ARHGEF17: variants seen among roughly 807,000 people sequenced by gnomAD.
The protein encoded by ARHGEF17 is Rho guanine nucleotide exchange factor 17.
Under a neutral mutation model 174.0 loss-of-function variants are expected in ARHGEF17, and 80 were observed. That is an observed-to-expected ratio of 0.46 (90% CI 0.38 to 0.55). The LOEUF (loss-of-function observed/expected upper bound fraction) is 0.55. ARHGEF17 is among the 20% of genes least tolerant of loss of function. ARHGEF17 has a pLI of 0.00. For synonymous variants in ARHGEF17, 1,311 were observed against 1,189.1 expected (o/e 1.10, Z -2.11); for missense variants, 2,886 against 2,839.7 (o/e 1.02, Z -0.37).
chr11:73,350,087 C>A lies in ARHGEF17; in HGVS notation c.3271-2743C>A, dbSNP rs1426830428. Among the ~76,000 whole-genome samples the A allele has an allele frequency of 3.3e-5, 5 of 152,106 alleles. No individual in the cohort carries two copies. The East Asian group carries it at 9.6e-4, about 29-fold the overall frequency. ...CCTTGAGTGCAGTTAATTAGAGACA[C>A]ATGTTTATAATTTAGCATACTGCCT... On this transcript the variant is annotated intron_variant, in intron 2 of 20. Coordinates refer to ENST00000263674, the MANE Select transcript of ARHGEF17 (RefSeq NM_014786.4).
chr11:73,339,624 A>G (rs1289025371), intron 1 of ARHGEF17, among the ~76,000 whole-genome samples: 1 of 152,156 alleles, frequency 6.6e-6, no homozygotes. Context: ...AGAGGCAGGT[A>G]GTCAGGGTAT....
At position 73,364,543 on chromosome 11, in the gene ARHGEF17, G is replaced by A; in HGVS notation, c.5493G>A (p.Leu1831=). The change falls in exon 18 of 21, where the codon CTG becomes CTA. Residue 1831 remains leucine, a synonymous_variant. Coordinates refer to ENST00000263674, the MANE Select transcript of ARHGEF17 (RefSeq NM_014786.4). ...ITKMVSVGGR[L]WCGCQNRVLV... is the part of the protein sequence containing the mutation. Reference sequence around the variant, plus strand: ...AGATGGTATCTGTGGGTGGGCGGCTGTGGTGTGGCTGCCAGAACCGAGTCC... The same window carrying A: ...AGATGGTATCTGTGGGTGGGCGGCTATGGTGTGGCTGCCAGAACCGAGTCC... 1 of 1,613,882 alleles carries A rather than the reference G, an allele frequency of 6.2e-7. No individual in the cohort carries two copies. Among genetic ancestry groups the A allele is most frequent in the South Asian group, 1.1e-5 (1 of 91,082 alleles).
chr11:73,352,715 G>A, intron 2 of ARHGEF17, 115 bp from the exon 3 acceptor site: 1 of 1,125,664 alleles, frequency 8.9e-7, no homozygotes, highest in Non-Finnish European at 1.3e-6. Flanking sequence ...GTGGAAGGCA[G>A]GGCGCTGAGC....
chr11:73,356,614 G>A, intron 6 of ARHGEF17, 95 bp from the exon 7 acceptor site: 1 of 1,518,598 alleles, frequency 6.6e-7, no homozygotes, highest in Non-Finnish European at 9.0e-7. Flanking sequence ...CATTGGCCTA[G>A]CCCATGGAGT....
Position 73,355,661 on chromosome 11 carries a change from T to C in ARHGEF17, c.3570+12T>C, listed in dbSNP as rs1812569274. On this transcript the variant is annotated intron_variant, in intron 4 of 20. Transcript: ENST00000263674. ...TCAAGTTCCTAGAGGTACTGTGGGC[T>C]AGGGCAGGGGGATGGAGGTGACCCT... is the stretch of plus-strand genomic sequence containing the variant. The C allele has an allele frequency of 1.2e-6, 2 of 1,610,470 alleles. No individual in the cohort carries two copies. The highest frequency in any genetic ancestry group is 4.5e-5 in the East Asian group (2 of 44,868).
rs1161566822 is a variant in ARHGEF17, at chr11:73,363,425, G to A, written c.5216G>A (p.Ser1739Asn). Residue 1739 changes from serine (S) to asparagine (N), a missense_variant, in exon 15 of 21, where the codon AGC (serine) becomes AAC (asparagine). By Grantham distance (46) the Ser-to-Asn change is conservative (BLOSUM62 1). Coordinates refer to ENST00000263674, the MANE Select transcript of ARHGEF17 (RefSeq NM_014786.4). ...LLSVDPEAYQ[S>N]SVWLGTEDGC... ...AGTGTCGACCCTGAGGCCTACCAGAGCTCCGTGTGGCTGGGCACTGAGGAT... is the reference window on the plus strand; with the variant it reads ...AGTGTCGACCCTGAGGCCTACCAGAACTCCGTGTGGCTGGGCACTGAGGAT... The A allele has an allele frequency of 6.2e-7, 1 of 1,613,314 alleles. No homozygotes were observed.
At chr11:73,339,182 G>A (rs1396453543) in intron 1 of ARHGEF17, among the ~76,000 whole-genome samples, 1 of 152,180 alleles carries the variant, frequency 6.6e-6, no homozygotes, top group Non-Finnish European at 1.5e-5. Context: ...CTGTCTTCCT[G>A]TGTAGACTGT....
At position 73,362,579 on chromosome 11, in the gene ARHGEF17, G is replaced by C; in HGVS notation, c.4841G>C (p.Gly1614Ala). The change falls in exon 14 of 21, where the codon GGC becomes GCC. Residue 1614 changes from glycine (G) to alanine (A), a missense_variant. Gly to Ala is a moderately conservative substitution (Grantham distance 60). Coordinates refer to ENST00000263674, the MANE Select transcript of ARHGEF17 (RefSeq NM_014786.4). The part of the protein sequence containing the change: ...PQPCLHISIA[G>A]SGLEMTPGLG... Reference sequence around the variant, plus strand: ...CCCTGCCTTCACATCTCCATTGCAGGCTCGGGCTTGGAGATGACGCCGGGC... The same window carrying C: ...CCCTGCCTTCACATCTCCATTGCAGCCTCGGGCTTGGAGATGACGCCGGGC... The C allele has an allele frequency of 6.2e-7, 1 of 1,610,116 alleles. No homozygotes were observed. The highest frequency in any genetic ancestry group is 1.3e-5 in the African/African-American group (1 of 75,060).
At position 73,309,367 on chromosome 11, in the gene ARHGEF17, C is replaced by A; in HGVS notation, c.729C>A (p.Ser243Arg). Reference sequence around the variant, plus strand: ...CCATCGCCGCCTCCTATCCTGTCAGCCGCAGTCGTGCTGCCAGCTCCAGCG... The same window carrying A: ...CCATCGCCGCCTCCTATCCTGTCAGACGCAGTCGTGCTGCCAGCTCCAGCG... The part of the protein sequence containing the change: ...SSSIAASYPV[S>R]RSRAASSSEE... The change falls in exon 1 of 21, where the codon AGC (serine) becomes AGA (arginine). Residue 243 changes from serine to arginine, a missense_variant. Around this residue, in one of 4 missense-constraint regions of ARHGEF17, gnomAD observed 1,728 missense variants for 1,461.2 expected, o/e 1.18. Coordinates refer to ENST00000263674, the MANE Select transcript of ARHGEF17 (RefSeq NM_014786.4). 1 of 1,597,164 alleles carries A rather than the reference C, an allele frequency of 6.3e-7. No individual in the cohort carries two copies. Among genetic ancestry groups the A allele is most frequent in the Non-Finnish European group, 8.5e-7 (1 of 1,172,188 alleles).
In ARHGEF17 at chr11:73,310,791, G is replaced by A. The variant is rs756305140; in HGVS notation, c.2153G>A (p.Gly718Asp). 7 of 1,612,326 alleles carry A rather than the reference G, an allele frequency of 4.3e-6. No homozygotes were observed. Among genetic ancestry groups the A allele is most frequent in the Non-Finnish European group, 4.2e-6 (5 of 1,179,624 alleles). Residue 718 changes from glycine (G) to aspartate (D), a missense_variant, in exon 1 of 21, where the codon GGT becomes GAT. Gly to Asp is a moderately conservative substitution (Grantham distance 94). Transcript: ENST00000263674. ...RRRKVPPSGS[G>D]GSELSNGEAG... ...CGCAAAGTCCCACCTTCAGGTTCTG[G>A]TGGGAGCGAATTGAGCAATGGGGAG...
chr11:73,330,648 G>A (rs1381998507), intron 1 of ARHGEF17, among the ~76,000 whole-genome samples: 1 of 152,204 alleles, frequency 6.6e-6, no homozygotes, highest in African/African-American at 2.4e-5. Context: ...CTGGAAGGTG[G>A]CATAACATTC....
At chr11:73,313,187 T>C (rs1864870310) in intron 1 of ARHGEF17, among the ~76,000 whole-genome samples, 1 of 152,156 alleles carries the variant, frequency 6.6e-6, no homozygotes, top group Non-Finnish European at 1.5e-5. Flanking sequence ...CTCTGGGGTT[T>C]CTCATGGAGG....
At chr11:73,349,558 G>T (rs1282060460) in intron 2 of ARHGEF17, among the ~76,000 whole-genome samples, 1 of 152,176 alleles carries the variant, frequency 6.6e-6, no homozygotes, top group Non-Finnish European at 1.5e-5. Context: ...AGAGGTTGCA[G>T]CGAGCCGAGA....
Position 73,356,742 on chromosome 11 carries a change from G to A in ARHGEF17, c.3874G>A (p.Glu1292Lys). Residue 1292 changes from glutamate to lysine, a missense_variant, in exon 7 of 21, where the codon GAG becomes AAG. Physicochemically the swap from Glu to Lys is moderately conservative, Grantham distance 56 (BLOSUM62 1). Coordinates refer to ENST00000263674, the MANE Select transcript of ARHGEF17 (RefSeq NM_014786.4). ...QAPLRRFLRQ[E>K]MVIEVKAIGG... ...CCCTCTGCGGCGGTTCCTGAGACAG[G>A]AGATGGTCATTGAAGTGGTAAGAAG... is the stretch of plus-strand genomic sequence containing the variant. The A allele has an allele frequency of 6.2e-7, 1 of 1,614,192 alleles. No homozygotes were observed. Among genetic ancestry groups the A allele is most frequent in the Non-Finnish European group, 8.5e-7 (1 of 1,180,036 alleles).
At chr11:73,352,691 C>A in intron 2 of ARHGEF17, 139 bp from the exon 3 acceptor site, 1 of 854,238 alleles carries the variant, frequency 1.2e-6, no homozygotes. Flanking sequence ...AGCTCTTGGT[C>A]TCATGAGGGA....
rs1219949238 is a variant in ARHGEF17 at position 73,311,688 on chromosome 11, G to C, written c.3050G>C (p.Gly1017Ala). The stretch of plus-strand genomic sequence containing the variant: ...CAGTACATGCTGAACCTGCACTCCG[G>C]TGAGGTCCCTGCCCCAGTGCCAGTG... ...TKQYMLNLHS[G>A]EVPAPVPVDM... Residue 1017 changes from glycine to alanine, a missense_variant, in exon 1 of 21, where the codon GGT becomes GCT. Transcript: ENST00000263674. 6.2e-7 allele frequency: 1 copy of C among 1,613,424 alleles called. No homozygotes were observed. The highest frequency in any genetic ancestry group is 1.1e-5 in the South Asian group (1 of 91,088).
At chr11:73,366,142 C>T (rs55918832) in intron 20 of ARHGEF17, among the ~76,000 whole-genome samples, 195 bp downstream of exon 20, 37,940 of 150,386 alleles carry the variant, frequency 0.25, 5,504 homozygotes, top group African/African-American at 0.41. Context: ...TGTGTGTGTG[C>T]GCACCTGCAT....
rs778089256 is a variant in ARHGEF17 at position 73,362,080 on chromosome 11, C to T, written c.4535C>T (p.Pro1512Leu). ...AAPTLNSCPE[P>L]SPEVWVCNSD... ...CCCACCCTGAACAGCTGCCCGGAGC[C>T]CTCGCCTGAGGTATGGGTCTGCAAC... The change falls in exon 13 of 21, where the codon CCC becomes CTC. Residue 1512 changes from proline (P) to leucine (L), a missense_variant. Pro to Leu is a moderately conservative substitution (Grantham distance 98). This residue lies in a region of ARHGEF17 where 476 missense variants were observed against 473.1 expected (regional missense o/e 1.01). Transcript: ENST00000263674. 8 of 1,612,880 alleles carry T rather than the reference C, an allele frequency of 5.0e-6. 1 individual carries two copies. The Admixed American group carries it at 6.7e-5, about 13-fold the overall frequency.
In ARHGEF17 at chr11:73,311,778, G is replaced by A. The variant is rs774209385; in HGVS notation, c.3140G>A (p.Arg1047Gln). ...SAEAKPPEAA[R>Q]PADEPTPASK... ...GAGGCCAAGCCCCCTGAGGCAGCTC[G>A]GCCTGCAGATGAGCCTACCCCTGCC... Residue 1047 changes from arginine to glutamine, a missense_variant, in exon 1 of 21, where the codon CGG becomes CAG. By Grantham distance (43) the Arg-to-Gln change is conservative. Transcript: ENST00000263674. The A allele has an allele frequency of 1.1e-5, 17 of 1,611,824 alleles. No homozygotes were observed. Among genetic ancestry groups the A allele is most frequent in the East Asian group, 4.5e-5 (2 of 44,846 alleles).
Sources: gnomAD v4.1 joint callset for allele counts (sites outside exome capture counted in the v4.1 genomes callset) on GRCh38, gnomAD v4.1.1 for gene constraint, gnomAD v4.1.1 regional missense constraint, MANE v1.5 for transcripts, NCBI Gene and HGNC (gene_info 2026-07-23, HGNC 2026-07-21) for gene names.